The following NWD2 variants were observed in gnomAD, a reference collection of about 807,000 sequenced individuals.
NWD2 encodes the protein NACHT and WD repeat domain containing 2, also known as NACHT and WD repeat domain-containing protein 2.
A neutral mutation model predicts 132.7 loss-of-function variants in NWD2; 37 were observed. The ratio of observed to expected loss-of-function variants is 0.28; its 90% confidence interval spans 0.21 to 0.37. The LOEUF is 0.37. Ranked by LOEUF, NWD2 falls within the 10% of genes least tolerant of loss-of-function variation. The pLI, the probability that NWD2 is intolerant of heterozygous loss-of-function variation, is 1.00. For synonymous variants in NWD2, 705 were observed against 803.0 expected (o/e 0.88, Z 2.06); for missense variants, 1,592 against 2,122.4 (o/e 0.75, Z 4.91).
chr4:37,318,559 C>T (rs1210602942), intron 1 of NWD2, among the ~76,000 whole-genome samples: 1 of 152,004 alleles, frequency 6.6e-6, no homozygotes. Flanking sequence ...TCACAGTGCC[C>T]AACAGTTAGT....
At chr4:37,400,107 C>A (rs1289722245) in intron 3 of NWD2, among the ~76,000 whole-genome samples, 1 of 152,190 alleles carries the variant, frequency 6.6e-6, no homozygotes, top group Non-Finnish European at 1.5e-5. Flanking sequence ...TCAACAGAAT[C>A]TAAACAGATA....
intron 2 of NWD2, among the ~76,000 whole-genome samples, chr4:37,332,636 G>A (rs755109805): frequency 6.6e-6 from 1 of 152,184 alleles, no homozygotes; most frequent in Non-Finnish European, 1.5e-5. Flanking sequence ...AGAAGTGCTG[G>A]TTATGGGCAT....
intron 1 of NWD2, among the ~76,000 whole-genome samples, chr4:37,252,948 G>A (rs1451072897): frequency 6.6e-6 from 1 of 152,104 alleles, no homozygotes; most frequent in Non-Finnish European, 1.5e-5. Context: ...GAAGAAGTAT[G>A]TGCATACAGG....
intron 1 of NWD2, among the ~76,000 whole-genome samples, chr4:37,263,343 C>G (rs1222841421): frequency 6.6e-6 from 1 of 152,150 alleles, no homozygotes; most frequent in African/African-American, 2.4e-5. Flanking sequence ...CCATCACTTT[C>G]CCTTGCTCAG....
At chr4:37,408,437 C>A (rs1337470948) in intron 3 of NWD2, among the ~76,000 whole-genome samples, 1 of 152,194 alleles carries the variant, frequency 6.6e-6, no homozygotes. Context: ...CTGGGTGGAG[C>A]CCACTGCAGC....
chr4:37,359,569 C>T (rs558907966), intron 3 of NWD2, among the ~76,000 whole-genome samples: 72 of 151,430 alleles, frequency 4.8e-4, no homozygotes, highest in African/African-American at 1.7e-3. Flanking sequence ...ATGCTGAAGT[C>T]TTTGGCAAGG....
At chr4:37,382,684 T>TATA (rs1720476782) in intron 3 of NWD2, among the ~76,000 whole-genome samples, 2 of 151,938 alleles carry the variant, frequency 1.3e-5, no homozygotes, top group African/African-American at 4.8e-5. Context: ...TTTTTATTTT[T>TATA]TATATATTTA....
At chr4:37,262,782 A>G (rs1282567883) in intron 1 of NWD2, among the ~76,000 whole-genome samples, 2 of 152,166 alleles carry the variant, frequency 1.3e-5, no homozygotes, top group Non-Finnish European at 2.9e-5. Context: ...TTCTGTTCAT[A>G]TGTGGCCTGG....
chr4:37,399,072 G>A (rs1333178650), intron 3 of NWD2, among the ~76,000 whole-genome samples: 5 of 152,176 alleles, frequency 3.3e-5, no homozygotes, highest in Non-Finnish European at 7.4e-5. Flanking sequence ...AATTTTGAAA[G>A]CAACATATTT....
intron 1 of NWD2, among the ~76,000 whole-genome samples, chr4:37,297,007 A>G (rs1340376107): frequency 6.6e-6 from 1 of 152,084 alleles, no homozygotes. Flanking sequence ...ATTCACAGAA[A>G]AGTTTCCAGA....
intron 1 of NWD2, among the ~76,000 whole-genome samples, chr4:37,252,057 G>C (rs994558024): frequency 5.9e-5 from 9 of 152,186 alleles, no homozygotes; most frequent in African/African-American, 2.2e-4. Flanking sequence ...AGGTGTGGAG[G>C]GGGTCAGAAT....
chr4:37,429,579 G>A (rs1342287466), intron 3 of NWD2, among the ~76,000 whole-genome samples: 1 of 152,170 alleles, frequency 6.6e-6, no homozygotes, highest in Non-Finnish European at 1.5e-5. Flanking sequence ...GCCTCCCAAA[G>A]TGCTGGGATT....
At chr4:37,397,252 G>A (rs1042048441) in intron 3 of NWD2, among the ~76,000 whole-genome samples, 2 of 152,134 alleles carry the variant, frequency 1.3e-5, no homozygotes, top group Non-Finnish European at 2.9e-5. Context: ...AAAATCCTGA[G>A]GTTTAGGGAA....
intron 3 of NWD2, among the ~76,000 whole-genome samples, chr4:37,422,522 A>G (rs1035798465): frequency 2.0e-5 from 3 of 152,114 alleles, no homozygotes; most frequent in Non-Finnish European, 4.4e-5. Flanking sequence ...ATCAAGAAAT[A>G]CTTCATTATT....
intron 2 of NWD2, among the ~76,000 whole-genome samples, chr4:37,338,544 A>G (rs1378827894): frequency 6.6e-6 from 1 of 152,246 alleles, no homozygotes; most frequent in Non-Finnish European, 1.5e-5. Flanking sequence ...CCTGCTAACC[A>G]GAGGACGAAG....
intron 1 of NWD2, among the ~76,000 whole-genome samples, chr4:37,254,022 G>A (rs1488322504): frequency 6.6e-6 from 1 of 152,128 alleles, no homozygotes; most frequent in Non-Finnish European, 1.5e-5. Context: ...ACACATAGAG[G>A]GCAACAACAC....
intron 3 of NWD2, among the ~76,000 whole-genome samples, chr4:37,380,933 G>C (rs1720441110): frequency 6.6e-6 from 1 of 152,136 alleles, no homozygotes; most frequent in African/African-American, 2.4e-5. Flanking sequence ...TCTTTCTCCT[G>C]CTTAAATTCA....
chr4:37,368,145 C>A (rs1720137930), intron 3 of NWD2, among the ~76,000 whole-genome samples: 1 of 152,122 alleles, frequency 6.6e-6, no homozygotes, highest in Non-Finnish European at 1.5e-5. Context: ...TTGCCGCAGG[C>A]TTTAGTAAGA....
chr4:37,321,130 C>G (rs1450678141), intron 1 of NWD2, among the ~76,000 whole-genome samples: 1 of 151,974 alleles, frequency 6.6e-6, no homozygotes, highest in Non-Finnish European at 1.5e-5. Flanking sequence ...GCACTTTCAG[C>G]CTGGGAAACA....
Sources: gnomAD v4.1 joint callset for allele counts (sites outside exome capture counted in the v4.1 genomes callset) on GRCh38, gnomAD v4.1.1 for gene constraint, MANE v1.5 for transcripts, NCBI Gene and HGNC (gene_info 2026-07-23, HGNC 2026-07-21) for gene names.